Variants in LCORL observed in about 807,000 individuals in gnomAD.
The protein encoded by LCORL is ligand-dependent nuclear receptor corepressor-like protein.
LCORL carries 41 observed loss-of-function variants against 141.8 expected under a neutral mutation model. The observed-to-expected ratio is 0.29, with a 90% confidence interval of 0.23 to 0.38. The LOEUF (loss-of-function observed/expected upper bound fraction) is 0.38, where lower values mean the gene tolerates loss of function less well. Among genes scored for constraint, LCORL ranks in the 10% least tolerant of loss-of-function variants. The pLI is 1.00. For synonymous variants in LCORL, 618 were observed against 694.1 expected, an observed-to-expected ratio of 0.89 and a Z score of 1.72; for missense variants, 1,759 against 2,035.0, an observed-to-expected ratio of 0.86 and a Z score of 2.61.
exon 8 of LCORL, chr4:17,844,274 G>A (rs188530652): frequency 3.3e-5 from 5 of 152,380 alleles, no homozygotes; most frequent in Non-Finnish European, 7.4e-5. Flanking sequence ...CCTGACTTAC[G>A]AAACTTGTAC....
chr4:17,888,171 A>T (rs1162588198), intron 5 of LCORL, among the ~76,000 whole-genome samples: 1 of 152,124 alleles, frequency 6.6e-6, no homozygotes, highest in Non-Finnish European at 1.5e-5. Flanking sequence ...CTGGCATACA[A>T]TAAGTATTCA....
intron 4 of LCORL, among the ~76,000 whole-genome samples, chr4:17,929,295 T>C (rs1281937028): frequency 6.6e-6 from 1 of 152,072 alleles, no homozygotes; most frequent in African/African-American, 2.4e-5. Context: ...AAAATTCACA[T>C]GAAAATGCAA....
intron 6 of LCORL, chr4:17,882,880 T>C (rs1375533380): frequency 1.0e-6 from 1 of 976,462 alleles, no homozygotes; most frequent in African/African-American, 1.8e-5. Context: ...GCATTCCAAC[T>C]TTCTTTTCTA....
intron 1 of LCORL, among the ~76,000 whole-genome samples, chr4:17,998,987 T>A (rs28813197): frequency 0.27 from 16,697 of 62,622 alleles, 1,959 homozygotes; most frequent in East Asian, 0.34. Flanking sequence ...AAAAAAAAAA[T>A]ATATATATAT....
chr4:18,002,787 A>ATAT (rs1722180130), intron 1 of LCORL, among the ~76,000 whole-genome samples: 1 of 152,182 alleles, frequency 6.6e-6, no homozygotes, highest in Non-Finnish European at 1.5e-5. Flanking sequence ...AACTCAGCCC[A>ATAT]AGTCTTCATA....
rs1734217386 is a variant in LCORL, at chr4:17,921,069, G to A, written c.431-11724C>T. Among the ~76,000 whole-genome samples, 3 of 151,608 alleles carry A rather than the reference G, an allele frequency of 2.0e-5. No individual in the cohort carries two copies. In the South Asian group the frequency reaches 6.3e-4, roughly 32 times the overall value. On this transcript the variant is annotated intron_variant, in intron 4 of 7. Coordinates refer to ENST00000635767, the Ensembl canonical transcript of LCORL. ...AGACAAAGTCTCACTCTGTTGCCAG[G>A]GTGGAGGGCAGTGGCGCAATCTCGG...
intron 7 of LCORL, among the ~76,000 whole-genome samples, chr4:17,862,478 T>C (rs1725127720): frequency 6.6e-6 from 1 of 152,040 alleles, no homozygotes; most frequent in African/African-American, 2.4e-5. Flanking sequence ...AGCCAAACCA[T>C]ATCAGCTACA....
rs899519190 is a variant in LCORL, at chr4:17,875,162, G to T, written c.3828C>A (p.Ser1276Arg). Residue 1276 changes from serine (S) to arginine (R), a missense_variant, in exon 7 of 8, where the codon AGC becomes AGA. By Grantham distance (110) the Ser-to-Arg change is moderately radical. Coordinates refer to ENST00000635767, the Ensembl canonical transcript of LCORL. The stretch of plus-strand genomic sequence containing the variant: ...TATCCTGTTCTAAAGGAGGCAAGCA[G>T]CTGCTAATACTTACTTCTCTTTCCT... 4.1e-6 allele frequency: 5 copies of T among 1,232,258 alleles called. No homozygotes were observed. The African/African-American group carries it at 7.8e-5, about 19-fold the overall frequency. 76.3% of individuals were successfully genotyped at this position (1,232,258 alleles called of 1,614,324 possible).
chr4:17,988,558 A>T (rs13132994), intron 1 of LCORL, among the ~76,000 whole-genome samples: 1 of 152,114 alleles, frequency 6.6e-6, no homozygotes, highest in African/African-American at 2.4e-5. Flanking sequence ...AGTATGTTAA[A>T]CATCACTATT....
intron 5 of LCORL, among the ~76,000 whole-genome samples, chr4:17,894,525 A>C (rs994241117): frequency 6.6e-6 from 1 of 152,216 alleles, no homozygotes; most frequent in Non-Finnish European, 1.5e-5. Context: ...AATGTTCATA[A>C]AAACACTTAT....
At chr4:17,994,643 A>T (rs1300240444) in intron 1 of LCORL, among the ~76,000 whole-genome samples, 1 of 152,124 alleles carries the variant, frequency 6.6e-6, no homozygotes, top group Non-Finnish European at 1.5e-5. Flanking sequence ...GTAATTTTTT[A>T]ATGTCTCTTT....
In LCORL at chr4:17,906,779, C is replaced by T. The variant is rs148729741; in HGVS notation, c.682+2315G>A. On this transcript the variant is annotated intron_variant, in intron 5 of 7. Transcript: ENST00000635767. ...TTGGCCCACTGCCACCTCTGCCTCC[C>T]GGGTTCAAGCAATTCTCCTGCCTCA... 3.4e-4 allele frequency among the ~76,000 whole-genome samples: 51 copies of T among 151,830 alleles called. 1 individual carries two copies. In the East Asian group the frequency reaches 9.1e-3, roughly 27 times the overall value.
chr4:17,982,264 T>C (rs925692736), intron 1 of LCORL, among the ~76,000 whole-genome samples: 6 of 152,146 alleles, frequency 3.9e-5, no homozygotes, highest in East Asian at 3.9e-4. Context: ...TTACATACAA[T>C]ACAACAATTT....
At chr4:17,922,376 A>G (rs1259351322) in intron 4 of LCORL, among the ~76,000 whole-genome samples, 1 of 152,186 alleles carries the variant, frequency 6.6e-6, no homozygotes, top group Non-Finnish European at 1.5e-5. Context: ...AAATAAATGC[A>G]TTTGATACTC....
chr4:17,977,129 T>C (rs953292936), intron 1 of LCORL, among the ~76,000 whole-genome samples: 4 of 152,194 alleles, frequency 2.6e-5, no homozygotes, highest in South Asian at 2.1e-4. Flanking sequence ...AATTTTTAGC[T>C]TTCTCTGTAT....
In LCORL at chr4:17,874,857, G is replaced by C; in HGVS notation, c.4133C>G (p.Ser1378Ter). The change falls in exon 7 of 8, where the codon TCA (serine) becomes TGA (stop). Residue 1378 changes from serine to a stop codon, truncating the protein, a stop_gained. Coordinates refer to ENST00000635767, the Ensembl canonical transcript of LCORL. LOFTEE classifies it high-confidence loss of function. The stretch of plus-strand genomic sequence containing the variant: ...ATCTTTGTAAGCTATTTTCATCTTT[G>C]AGTGCCTATGTTTTTCCTTCTGACT... The C allele has an allele frequency of 8.1e-7, 1 of 1,233,622 alleles. No individual in the cohort carries two copies. The highest frequency in any genetic ancestry group is 1.0e-6 in the Non-Finnish European group (1 of 987,754). The allele number at this position is 1,233,622 out of a possible 1,614,324, so 76.4% of individuals were successfully genotyped here.
At chr4:17,948,382 C>T (rs1244953142) in intron 4 of LCORL, among the ~76,000 whole-genome samples, 1 of 151,802 alleles carries the variant, frequency 6.6e-6, no homozygotes, top group Non-Finnish European at 1.5e-5. Flanking sequence ...CATAAATACA[C>T]GTGCTAAGTA....
At chr4:17,970,100 A>AAG (rs1254205362) in intron 2 of LCORL, among the ~76,000 whole-genome samples, 2 of 152,218 alleles carry the variant, frequency 1.3e-5, no homozygotes, top group African/African-American at 4.8e-5. Flanking sequence ...ATTTATACAA[A>AAG]AGAGAGAAGG....
At chr4:17,924,502 C>T (rs895128034) in intron 4 of LCORL, among the ~76,000 whole-genome samples, 4 of 152,152 alleles carry the variant, frequency 2.6e-5, no homozygotes, top group African/African-American at 9.7e-5. Flanking sequence ...CAGCCAGCTA[C>T]TTGGTGGAAG....
Sources: allele counts gnomAD v4.1 joint callset (sites outside exome capture counted in the v4.1 genomes callset), GRCh38; gene constraint gnomAD v4.1.1; transcripts MANE v1.5; gene names NCBI Gene and HGNC (gene_info 2026-07-23, HGNC 2026-07-21).